DNHD1: variants seen among roughly 807,000 people sequenced by gnomAD.
DNHD1 encodes the protein dynein heavy chain domain-containing protein 1.
A neutral mutation model predicts 458.1 loss-of-function variants in DNHD1; 383 were observed. That is an observed-to-expected ratio of 0.84 (90% CI 0.77 to 0.91). The LOEUF (loss-of-function observed/expected upper bound fraction) is 0.91. DNHD1 is among the 40% of genes least tolerant of loss of function. The pLI, the probability that DNHD1 is intolerant of heterozygous loss-of-function variation, is 0.00. For synonymous variants in DNHD1, 2,203 were observed against 2,376.9 expected, an observed-to-expected ratio of 0.93 and a Z score of 2.13; for missense variants, 5,336 against 5,866.1, an observed-to-expected ratio of 0.91 and a Z score of 2.95.
chr11:6,513,353 C>T (rs1419972643), intron 7 of DNHD1, among the ~76,000 whole-genome samples: 1 of 152,160 alleles, frequency 6.6e-6, no homozygotes, highest in Non-Finnish European at 1.5e-5. Context: ...CCAGCAAGCT[C>T]CCTGGTGCCT....
At chr11:6,565,519 C>A (rs1374518372) in intron 32 of DNHD1, among the ~76,000 whole-genome samples, 176 bp from the exon 33 acceptor site, 1 of 152,184 alleles carries the variant, frequency 6.6e-6, no homozygotes, top group Non-Finnish European at 1.5e-5. Flanking sequence ...GAGGTCGCCA[C>A]TAATATCAAC....
chr11:6,546,955 T>A lies in DNHD1; in HGVS notation c.6016T>A (p.Phe2006Ile). The part of the protein sequence containing the change: ...SGKTTCWHSL[F>I]KIQNRLAAME... ...CAAGACCACTTGTTGGCACAGCTTA[T>A]TTAAGATCCAGAATCGGCTGGCAGC... is the stretch of plus-strand genomic sequence containing the variant. Residue 2006 changes from phenylalanine to isoleucine, a missense_variant, in exon 21 of 43, where the codon TTT (phenylalanine) becomes ATT (isoleucine). Physicochemically the swap from Phe to Ile is conservative, Grantham distance 21. Coordinates refer to ENST00000254579, the MANE Select transcript of DNHD1 (RefSeq NM_144666.3). The A allele has an allele frequency of 6.4e-7, 1 of 1,551,618 alleles. No individual in the cohort carries two copies. The highest frequency in any genetic ancestry group is 8.7e-7 in the Non-Finnish European group (1 of 1,146,950).
rs752045538 is a variant in DNHD1, at chr11:6,547,286, T to C, written c.6347T>C (p.Ile2116Thr). The C allele has an allele frequency of 2.5e-5, 39 of 1,551,700 alleles. No individual in the cohort carries two copies. Among genetic ancestry groups the C allele is most frequent in the Non-Finnish European group, 3.1e-5 (36 of 1,147,004 alleles). ...PQLSLPSGQQ[I>T]ARPPGTFLLM... ...CTTAGTCTCCCCAGTGGACAGCAGA[T>C]AGCACGACCCCCAGGCACCTTTCTC... The change falls in exon 21 of 43, where the codon ATA (isoleucine) becomes ACA (threonine). Residue 2116 changes from isoleucine (I) to threonine (T), a missense_variant. Ile to Thr is a moderately conservative substitution (Grantham distance 89, BLOSUM62 -1). Coordinates refer to ENST00000254579, the MANE Select transcript of DNHD1 (RefSeq NM_144666.3).
rs1564824175 is a variant in DNHD1, at chr11:6,567,182, C to T, written c.11673C>T (p.Ser3891=). ...CAGTCACTAAGCAGGCTCTGGACAGCATGAAGCCACGTGAGATTAATCACG... is the reference window on the plus strand; with the variant it reads ...CAGTCACTAAGCAGGCTCTGGACAGTATGAAGCCACGTGAGATTAATCACG... ...WLAVTKQALD[S]MKPREINHGE... is the part of the protein sequence containing the mutation. Residue 3891 remains serine, a synonymous_variant, in exon 36 of 43, where the codon AGC becomes AGT. Transcript: ENST00000254579. 1.9e-6 allele frequency: 3 copies of T among 1,614,028 alleles called. No homozygotes were observed. The highest frequency in any genetic ancestry group is 2.5e-6 in the Non-Finnish European group (3 of 1,179,896).
At position 6,528,094 on chromosome 11, in the gene DNHD1, C is replaced by T. The variant is rs114571633; in HGVS notation, c.1838-428C>T. Among the ~76,000 whole-genome samples the T allele has an allele frequency of 4.0e-3, 615 of 152,226 alleles. 3 individuals are homozygous for T. The highest frequency in any genetic ancestry group is 0.014 in the African/African-American group (581 of 41,538). On this transcript the variant is annotated intron_variant, in intron 10 of 42. Coordinates refer to ENST00000254579, the MANE Select transcript of DNHD1 (RefSeq NM_144666.3). ...AATTAAGAGGGGGAAAGAGTCAGGG[C>T]GTATGCCATCCGTTCTGTGGATCAT...
Position 6,564,401 on chromosome 11 carries a change from G to A in DNHD1, c.10353G>A (p.Leu3451=). The A allele has an allele frequency of 6.4e-7, 1 of 1,551,618 alleles. No homozygotes were observed. The highest frequency in any genetic ancestry group is 8.7e-7 in the Non-Finnish European group (1 of 1,146,926). The change falls in exon 32 of 43, where the codon CTG becomes CTA. Residue 3451 remains leucine (L), a synonymous_variant. Coordinates refer to ENST00000254579, the MANE Select transcript of DNHD1 (RefSeq NM_144666.3). ...TATGTTCAGCTGCCATCATCTACCT[G>A]GGTCCCTTCCCACCATTGCGGCGCC... ...TLLCSAAIIY[L]GPFPPLRRQE... is the part of the protein sequence containing the mutation.
intron 12 of DNHD1, among the ~76,000 whole-genome samples, chr11:6,531,312 T>C (rs1277519365): frequency 6.6e-6 from 1 of 152,178 alleles, no homozygotes; most frequent in Non-Finnish European, 1.5e-5. Flanking sequence ...CTCCCTCTCC[T>C]TGACCTTACT....
Position 6,551,679 on chromosome 11 carries a change from A to C in DNHD1, c.7387+2746A>C, listed in dbSNP as rs367598938. 3.3e-5 allele frequency among the ~76,000 whole-genome samples: 5 copies of C among 152,342 alleles called. No homozygotes were observed. In the East Asian group the frequency reaches 5.8e-4, roughly 18 times the overall value. On this transcript the variant is annotated intron_variant, in intron 24 of 42. Transcript: ENST00000254579. ...GAGCCAGGGCCGGGCACTGTGGCTCACGCCTGTAATCCCGGCACTTTGGGA... is the reference window on the plus strand; with the variant it reads ...GAGCCAGGGCCGGGCACTGTGGCTCCCGCCTGTAATCCCGGCACTTTGGGA...
chr11:6,498,264 T>G lies in DNHD1; in HGVS notation c.49T>G (p.Ser17Ala). The G allele has an allele frequency of 6.2e-7, 1 of 1,614,204 alleles. No homozygotes were observed. Among genetic ancestry groups the G allele is most frequent in the Non-Finnish European group, 8.5e-7 (1 of 1,180,036 alleles). Residue 17 changes from serine (S) to alanine (A), a missense_variant, in exon 3 of 43, where the codon TCT becomes GCT. This residue lies in a region of DNHD1 where 3,932 missense variants were observed against 4,365.6 expected (regional missense o/e 0.90). Transcript: ENST00000254579. ...RVGLSSDETSSDSLKSWHSIC... is the reference protein window; with the variant it reads ...RVGLSSDETSADSLKSWHSIC... ...AGGTTTGTCTTCTGATGAGACATCA[T>G]CTGATTCCCTTAAGTCTTGGCACTC...
intron 7 of DNHD1, among the ~76,000 whole-genome samples, chr11:6,513,219 A>G (rs544344533): frequency 6.6e-6 from 1 of 152,340 alleles, no homozygotes; most frequent in East Asian, 1.9e-4. Context: ...AATTTTGTAT[A>G]TTAAGGTATA....
Position 6,571,877 on chromosome 11 carries a change from C to T in DNHD1, c.14153C>T (p.Ala4718Val), listed in dbSNP as rs746918854. The change falls in exon 43 of 43, where the codon GCT becomes GTT. Residue 4718 changes from alanine to valine, a missense_variant. Ala to Val is a moderately conservative substitution (Grantham distance 64). Around this residue, in one of 4 missense-constraint regions of DNHD1, gnomAD observed 698 missense variants for 664.9 expected, o/e 1.05. Coordinates refer to ENST00000254579, the MANE Select transcript of DNHD1 (RefSeq NM_144666.3). This position sits in a 1 kb window ranked among gnomAD's most constrained non-coding sequence, Gnocchi z 5.0. ...PVYMGGPLGT[A>V]KLQSRNIVMH... ...TACATGGGAGGGCCCCTTGGCACCG[C>T]TAAGCTGCAGAGCAGGAACATCGTG... 6.2e-7 allele frequency: 1 copy of T among 1,614,054 alleles called. No homozygotes were observed. Among genetic ancestry groups the T allele is most frequent in the Non-Finnish European group, 8.5e-7 (1 of 1,179,908 alleles).
At chr11:6,528,357 G>A (rs34366592) in intron 10 of DNHD1, among the ~76,000 whole-genome samples, 165 bp from the exon 11 acceptor site, 13,776 of 152,006 alleles carry the variant, frequency 0.091, 820 homozygotes, top group East Asian at 0.24. Context: ...AGTATTTTAC[G>A]TTTGTGATAT....
At chr11:6,540,108 G>A (rs1276104218) in intron 18 of DNHD1, 25 bp downstream of exon 18, 6 of 1,544,726 alleles carry the variant, frequency 3.9e-6, no homozygotes, top group Non-Finnish European at 5.3e-6. Context: ...TTGTGACCTA[G>A]TGAAAGCCCC....
At chr11:6,540,123 T>A in intron 18 of DNHD1, 40 bp downstream of exon 18, 1 of 1,513,442 alleles carries the variant, frequency 6.6e-7, no homozygotes, top group Non-Finnish European at 9.0e-7. Flanking sequence ...AGCCCCCTGC[T>A]GGGGGCCATT....
chr11:6,551,724 C>CTT (rs1554888979), intron 24 of DNHD1, among the ~76,000 whole-genome samples: 5 of 152,178 alleles, frequency 3.3e-5, no homozygotes, highest in East Asian at 3.9e-4. Flanking sequence ...GGGCAGATCA[C>CTT]GAGGTCAGGA....
At chr11:6,500,584 T>G (rs1009675324) in intron 3 of DNHD1, among the ~76,000 whole-genome samples, 5 of 152,368 alleles carry the variant, frequency 3.3e-5, no homozygotes, top group African/African-American at 9.6e-5. Flanking sequence ...TTTCCTTTCC[T>G]GGGAGAACTT....
In DNHD1 at chr11:6,572,015, A is replaced by G; in HGVS notation, c.*29A>G. On this transcript the variant is annotated 3_prime_UTR_variant, in exon 43 of 43. Coordinates refer to ENST00000254579, the MANE Select transcript of DNHD1 (RefSeq NM_144666.3). ...CGTCTACCAAAATAAAGTTGTAGTG[A>G]TTCCATGAAAGATTTCTGAGATATG... 3 of 1,573,070 alleles carry G rather than the reference A, an allele frequency of 1.9e-6. No homozygotes were observed. Among genetic ancestry groups the G allele is most frequent in the Non-Finnish European group, 2.6e-6 (3 of 1,155,340 alleles).
At chr11:6,569,436 TTGCACCAC>T (rs1251435402) in intron 39 of DNHD1, among the ~76,000 whole-genome samples, 1 of 151,448 alleles carries the variant, frequency 6.6e-6, no homozygotes, top group Non-Finnish European at 1.5e-5. Context: ...TGAGCCGAGA[TTGCACCAC>T]TGCACTCCAG....
Position 6,564,070 on chromosome 11 carries a change from G to A in DNHD1, c.10230G>A (p.Trp3410Ter). Reference sequence around the variant, plus strand: ...CACAGTGTGGGCAGTATCACAAATGGCCCATGAAGGCTGCACTGCTCACGC... The same window carrying A: ...CACAGTGTGGGCAGTATCACAAATGACCCATGAAGGCTGCACTGCTCACGC... ...SQAQCGQYHK[W>*]PMKAALLTPM... The change falls in exon 31 of 43, where the codon TGG becomes TGA. Residue 3410 changes from tryptophan (W) to a stop codon, truncating the protein, a stop_gained. Coordinates refer to ENST00000254579, the MANE Select transcript of DNHD1 (RefSeq NM_144666.3). LOFTEE classifies it high-confidence loss of function. The A allele has an allele frequency of 1.3e-6, 2 of 1,551,616 alleles. No individual in the cohort carries two copies.
Sources: allele counts gnomAD v4.1 joint callset (sites outside exome capture counted in the v4.1 genomes callset), GRCh38; gene constraint gnomAD v4.1.1; regional missense constraint gnomAD v4.1.1; non-coding constraint Gnocchi (gnomAD v3.1); transcripts MANE v1.5; gene names NCBI Gene and HGNC (gene_info 2026-07-23, HGNC 2026-07-21).